Variants in PLB1 observed in about 807,000 individuals in gnomAD.
PLB1 encodes the protein phospholipase B1, also known as phospholipase B1, membrane-associated.
In PLB1, 242 loss-of-function variants were observed where a neutral mutation model predicts 227.4. That is an observed-to-expected ratio of 1.06 (90% CI 0.96 to 1.18). PLB1 has a LOEUF of 1.18. Ranked by LOEUF, PLB1 falls within the 50% of genes most tolerant of loss-of-function variation. The probability of loss-of-function intolerance (pLI) is 0.00; values close to 1 mark genes in which losing one functional copy is unlikely to be tolerated. For synonymous variants in PLB1, 757 were observed against 682.2 expected, an observed-to-expected ratio of 1.11 and a Z score of -1.71; for missense variants, 1,858 against 1,816.3, an observed-to-expected ratio of 1.02 and a Z score of -0.42.
At chr2:28,588,219 G>C (rs982697856) in intron 26 of PLB1, among the ~76,000 whole-genome samples, 5 of 152,168 alleles carry the variant, frequency 3.3e-5, no homozygotes, top group African/African-American at 1.2e-4. Flanking sequence ...AAGGTGTATG[G>C]TTCCACTGTG....
At chr2:28,519,534 G>T (rs1669241395) in intron 3 of PLB1, among the ~76,000 whole-genome samples, 171 bp from the exon 4 acceptor site, 1 of 152,186 alleles carries the variant, frequency 6.6e-6, no homozygotes, top group Non-Finnish European at 1.5e-5. Flanking sequence ...GATTCCTAGG[G>T]TTCCCAGGCA....
chr2:28,510,887 C>G (rs961283759), intron 1 of PLB1, among the ~76,000 whole-genome samples: 3 of 151,904 alleles, frequency 2.0e-5, no homozygotes, highest in Non-Finnish European at 4.4e-5. Context: ...CTCGGTCTCT[C>G]AAAGCATTGA....
intron 52 of PLB1, 73 bp from the exon 53 acceptor site, chr2:28,629,021 G>A: frequency 7.8e-7 from 1 of 1,279,560 alleles, no homozygotes; most frequent in Non-Finnish European, 1.1e-6. Flanking sequence ...GTGGGAATTG[G>A]ATTGTAGATG....
At chr2:28,529,255 C>A in intron 6 of PLB1, 62 bp from the exon 7 acceptor site, 1 of 1,155,342 alleles carries the variant, frequency 8.7e-7, no homozygotes, top group Non-Finnish European at 1.3e-6. Context: ...GTAGGTAGGT[C>A]AGTCTTTAGA....
At chr2:28,564,958 AC>A (rs1262820131) in intron 18 of PLB1, among the ~76,000 whole-genome samples, 4 of 152,214 alleles carry the variant, frequency 2.6e-5, no homozygotes, top group Non-Finnish European at 4.4e-5. Context: ...GAAAAACAGG[AC>A]CCTGAAATGT....
At chr2:28,562,754 C>T (rs6738552) in intron 17 of PLB1, among the ~76,000 whole-genome samples, 138,571 of 151,966 alleles carry the variant, frequency 0.91, 63,550 homozygotes, top group East Asian at 0.99. Flanking sequence ...GCATCTGGTC[C>T]CACCAAATGC....
chr2:28,556,573 C>A (rs1675163689), intron 17 of PLB1, among the ~76,000 whole-genome samples: 1 of 152,208 alleles, frequency 6.6e-6, no homozygotes, highest in Non-Finnish European at 1.5e-5. Context: ...GGCCCTCTCC[C>A]TAACATAGTT....
intron 17 of PLB1, among the ~76,000 whole-genome samples, chr2:28,558,561 G>C (rs938957074): frequency 6.6e-6 from 1 of 152,204 alleles, no homozygotes; most frequent in Non-Finnish European, 1.5e-5. Flanking sequence ...GTGTGCAGCT[G>C]GCTTTGTGAT....
intron 21 of PLB1, among the ~76,000 whole-genome samples, chr2:28,573,516 C>T (rs760441906): frequency 5.3e-5 from 8 of 152,192 alleles, no homozygotes; most frequent in Non-Finnish European, 8.8e-5. Flanking sequence ...TCACAATGGA[C>T]TCTGATGCCA....
At chr2:28,603,408 C>T (rs76988131) in intron 39 of PLB1, among the ~76,000 whole-genome samples, 6,826 of 152,210 alleles carry the variant, frequency 0.045, 498 homozygotes, top group African/African-American at 0.15. Context: ...TTCTTTATAT[C>T]TTACACATCT....
chr2:28,542,253 C>T (rs1041552556), intron 13 of PLB1, among the ~76,000 whole-genome samples: 1 of 152,188 alleles, frequency 6.6e-6, no homozygotes, highest in Non-Finnish European at 1.5e-5. Context: ...TCTCCTGAAC[C>T]CAGGATGCAT....
intron 41 of PLB1, 138 bp downstream of exon 41, chr2:28,604,897 C>CCT (rs1467975838): frequency 1.3e-6 from 1 of 743,714 alleles, no homozygotes; most frequent in East Asian, 2.8e-5. Context: ...GTGCAGGCTC[C>CCT]CTGAACGCCT....
At chr2:28,634,209 G>T (rs963455199) in intron 56 of PLB1, among the ~76,000 whole-genome samples, 2 of 152,110 alleles carry the variant, frequency 1.3e-5, no homozygotes, top group Non-Finnish European at 2.9e-5. Flanking sequence ...AACTTCTATT[G>T]TACTCTTTCA....
At position 28,553,007 on chromosome 2, in the gene PLB1, C is replaced by T. The variant is rs1276742547; in HGVS notation, c.1147+16C>T. The T allele has an allele frequency of 6.2e-7, 1 of 1,608,910 alleles. No homozygotes were observed. The highest frequency in any genetic ancestry group is 8.5e-7 in the Non-Finnish European group (1 of 1,175,534). On this transcript the variant is annotated intron_variant, in intron 17 of 57. Coordinates refer to ENST00000327757, the MANE Select transcript of PLB1 (RefSeq NM_153021.5). ...CCCACCTCAGGTACACAGCTTGCAC[C>T]CAGTGATTTTAAAATTCATTCGAGG... is the stretch of plus-strand genomic sequence containing the variant.
intron 43 of PLB1, 137 bp from the exon 44 acceptor site, chr2:28,613,894 T>C (rs767504697): frequency 5.0e-5 from 37 of 744,484 alleles, no homozygotes; most frequent in Non-Finnish European, 7.9e-5. Flanking sequence ...TGAAATTATG[T>C]TTATACAGTT....
At chr2:28,502,482 ATTAT>A (rs970445991) in intron 1 of PLB1, among the ~76,000 whole-genome samples, 1 of 152,126 alleles carries the variant, frequency 6.6e-6, no homozygotes, top group African/African-American at 2.4e-5. Flanking sequence ...TAATCATATG[ATTAT>A]TTACCCTTAG....
intron 35 of PLB1, among the ~76,000 whole-genome samples, chr2:28,600,250 A>G (rs1012872652): frequency 6.6e-5 from 10 of 152,078 alleles, no homozygotes; most frequent in African/African-American, 2.4e-4. Context: ...TAGAGCACAT[A>G]TGATTCCCTA....
intron 33 of PLB1, chr2:28,594,423 G>A (rs1573275033): frequency 6.1e-6 from 1 of 164,914 alleles, no homozygotes; most frequent in East Asian, 1.7e-4. Context: ...TAAGTGGCGA[G>A]TAGCTCAGAA....
chr2:28,515,650 C>G (rs1668758953), intron 1 of PLB1, among the ~76,000 whole-genome samples: 2 of 152,192 alleles, frequency 1.3e-5, no homozygotes, highest in Non-Finnish European at 2.9e-5. Flanking sequence ...AAAAGTAAAG[C>G]TGCAGAAGAA....
Sources: gnomAD v4.1 joint callset for allele counts (sites outside exome capture counted in the v4.1 genomes callset) on GRCh38, gnomAD v4.1.1 for gene constraint, MANE v1.5 for transcripts, NCBI Gene and HGNC (gene_info 2026-07-23, HGNC 2026-07-21) for gene names.